Variants in MORN4 observed in about 807,000 individuals in gnomAD.
MORN4 encodes MORN repeat containing 4, also known as MORN repeat-containing protein 4.
Under a neutral mutation model 16.4 loss-of-function variants are expected in MORN4, and 8 were observed. The ratio of observed to expected loss-of-function variants is 0.49; its 90% CI spans 0.29 to 0.88. MORN4 has a LOEUF of 0.88. Among genes scored for constraint, MORN4 ranks in the 40% least tolerant of loss-of-function variants. MORN4 has a pLI of 0.09. For missense variants in MORN4, 159 were observed against 182.9 expected, an observed-to-expected ratio of 0.87 and a Z score of 0.75; for synonymous variants, 53 against 68.9, an observed-to-expected ratio of 0.77 and a Z score of 1.14.
intron 1 of MORN4, among the ~76,000 whole-genome samples, chr10:97,623,958 A>T (rs922416932): frequency 1.3e-5 from 2 of 151,872 alleles, no homozygotes; most frequent in Admixed American, 6.6e-5. Context: ...GGATGGTCTC[A>T]ATCTCCTGAC....
intron 1 of MORN4, among the ~76,000 whole-genome samples, chr10:97,622,552 G>A (rs943432855): frequency 1.3e-5 from 2 of 151,744 alleles, no homozygotes; most frequent in Non-Finnish European, 1.5e-5. Flanking sequence ...AAAATTAGCC[G>A]GGTGTGGTGG....
chr10:97,614,577 T>C lies in MORN4; in HGVS notation c.*1686A>G, dbSNP rs1037854971. On this transcript the variant is annotated 3_prime_UTR_variant, in exon 5 of 5. Transcript: ENST00000307450. The stretch of plus-strand genomic sequence containing the variant: ...ATAGGCAGTTCTGGTGATTTCTTTA[T>C]TCTTTATAAACACCTTTTTCTACAG... 2 of 152,618 alleles carry C rather than the reference T, an allele frequency of 1.3e-5. No individual in the cohort carries two copies. The highest frequency in any genetic ancestry group is 2.4e-5 in the African/African-American group (1 of 41,448). 9.5% of individuals were successfully genotyped at this position (152,618 alleles called of 1,614,324 possible).
intron 1 of MORN4, among the ~76,000 whole-genome samples, chr10:97,627,126 G>C (rs552708478): frequency 6.7e-6 from 1 of 150,304 alleles, no homozygotes; most frequent in East Asian, 2.0e-4. Context: ...TTCAGCAGAG[G>C]GACCTGAACA....
intron 1 of MORN4, among the ~76,000 whole-genome samples, chr10:97,621,618 G>A (rs987859079): frequency 2.0e-5 from 3 of 152,124 alleles, no homozygotes; most frequent in East Asian, 1.9e-4. Flanking sequence ...GGTGGCTCAC[G>A]CCTGTAATCC....
chr10:97,629,114 G>A (rs967866590), intron 1 of MORN4, among the ~76,000 whole-genome samples: 2 of 152,102 alleles, frequency 1.3e-5, no homozygotes, highest in Non-Finnish European at 2.9e-5. Flanking sequence ...TGGGCCGGGC[G>A]TGGTGGCTCA....
intron 1 of MORN4, among the ~76,000 whole-genome samples, chr10:97,625,447 A>T (rs2041338249): frequency 6.6e-6 from 1 of 152,240 alleles, no homozygotes; most frequent in Non-Finnish European, 1.5e-5. Flanking sequence ...ACAGAAAAGA[A>T]AAATAAAAGA....
intron 1 of MORN4, among the ~76,000 whole-genome samples, chr10:97,626,571 T>C (rs1225891556): frequency 6.7e-6 from 1 of 148,236 alleles, no homozygotes; most frequent in African/African-American, 2.5e-5. Context: ...TTCTCCTGCC[T>C]CAGCCTCTCG....
Position 97,633,137 on chromosome 10 carries a change from C to A in MORN4, c.-31+210G>T, listed in dbSNP as rs934262000. 2.6e-5 allele frequency among the ~76,000 whole-genome samples: 4 copies of A among 152,174 alleles called. No individual in the cohort carries two copies. The East Asian group carries it at 7.7e-4, about 29-fold the overall frequency. ...AACCCTCCACCCTCTGCTCGCTAACCCCAGTCCAGTCAGCTCTCCCGGGCC... is the reference window on the plus strand; with the variant it reads ...AACCCTCCACCCTCTGCTCGCTAACACCAGTCCAGTCAGCTCTCCCGGGCC... On this transcript the variant is annotated intron_variant, in intron 1 of 4. Transcript: ENST00000307450. This position sits in a 1 kb window ranked among gnomAD's most constrained non-coding sequence, Gnocchi z 4.5.
Position 97,633,261 on chromosome 10 carries a change from C to A in MORN4, c.-31+86G>T, listed in dbSNP as rs2041412818. The stretch of plus-strand genomic sequence containing the variant: ...CCGAGGTGGAGCCGCGCCCCCGAGC[C>A]GGGTCATCTCGTGCTCCGTTCCTCA... On this transcript the variant is annotated intron_variant, in intron 1 of 4. Coordinates refer to ENST00000307450, the MANE Select transcript of MORN4 (RefSeq NM_178832.4). The surrounding 1 kb of genome is among the most constrained non-coding windows in gnomAD (Gnocchi z 4.5). 3 of 1,239,328 alleles carry A rather than the reference C, an allele frequency of 2.4e-6. No individual in the cohort carries two copies. The highest frequency in any genetic ancestry group is 3.1e-6 in the Non-Finnish European group (3 of 959,110). 76.8% of individuals were successfully genotyped at this position (1,239,328 alleles called of 1,614,324 possible).
At chr10:97,619,802 G>T in intron 1 of MORN4, 119 bp from the exon 2 acceptor site, 1 of 719,048 alleles carries the variant, frequency 1.4e-6, no homozygotes, top group Non-Finnish European at 2.3e-6. Context: ...ACTGCCTTAG[G>T]TGCATTTAAC....
intron 1 of MORN4, among the ~76,000 whole-genome samples, chr10:97,622,204 T>C (rs2041303223): frequency 6.6e-6 from 1 of 152,100 alleles, no homozygotes; most frequent in African/African-American, 2.4e-5. Flanking sequence ...AGCCACTGTG[T>C]TTTCTGGTGG....
chr10:97,632,757 G>C (rs1006995358), intron 1 of MORN4, among the ~76,000 whole-genome samples: 1 of 151,550 alleles, frequency 6.6e-6, no homozygotes, highest in African/African-American at 2.4e-5. Flanking sequence ...ATTGGGACTA[G>C]GGAGTAATAC....
At chr10:97,625,128 T>C (rs1260389987) in intron 1 of MORN4, among the ~76,000 whole-genome samples, 1 of 152,188 alleles carries the variant, frequency 6.6e-6, no homozygotes, top group Admixed American at 6.5e-5. Flanking sequence ...ACTAAGGTCA[T>C]ACATGTGGAA....
Position 97,629,757 on chromosome 10 carries a change from G to T in MORN4, c.-31+3590C>A, listed in dbSNP as rs558482517. Among the ~76,000 whole-genome samples, 14 of 150,596 alleles carry T rather than the reference G, an allele frequency of 9.3e-5. No homozygotes were observed. The South Asian group carries it at 1.1e-3, about 11-fold the overall frequency. Reference sequence around the variant, plus strand: ...AGCATCATATGGGTGTTTTTTTTTTGTTTGTTTGTTTTGTTTTTTGAGACA... The same window carrying T: ...AGCATCATATGGGTGTTTTTTTTTTTTTTGTTTGTTTTGTTTTTTGAGACA... On this transcript the variant is annotated intron_variant, in intron 1 of 4. Transcript: ENST00000307450.
chr10:97,624,864 G>A (rs998583866), intron 1 of MORN4, among the ~76,000 whole-genome samples: 4 of 152,110 alleles, frequency 2.6e-5, no homozygotes, highest in African/African-American at 9.7e-5. Context: ...GGCTAATTTT[G>A]TATTTTCAGT....
upstream of MORN4, among the ~76,000 whole-genome samples, chr10:97,633,792 T>A (rs1216430630): frequency 2.6e-5 from 4 of 152,166 alleles, no homozygotes; most frequent in African/African-American, 9.7e-5. This position sits in a 1 kb window ranked among gnomAD's most constrained non-coding sequence, Gnocchi z 4.5. Context: ...CTTGCTCCAG[T>A]CCCCACTGCT....
At chr10:97,626,206 G>C (rs1222636199) in intron 1 of MORN4, among the ~76,000 whole-genome samples, 1 of 151,362 alleles carries the variant, frequency 6.6e-6, no homozygotes, top group Non-Finnish European at 1.5e-5. Flanking sequence ...GTGAAGCCCT[G>C]TCTTTACTAA....
At chr10:97,626,873 C>T (rs900410918) in intron 1 of MORN4, among the ~76,000 whole-genome samples, 1 of 151,492 alleles carries the variant, frequency 6.6e-6, no homozygotes, top group African/African-American at 2.4e-5. Context: ...TTCTCTTGCC[C>T]CAGCCTCCCA....
chr10:97,632,029 T>C (rs2041400383), intron 1 of MORN4, among the ~76,000 whole-genome samples: 1 of 152,086 alleles, frequency 6.6e-6, no homozygotes, highest in African/African-American at 2.4e-5. Context: ...GCAGCCACCC[T>C]AACTACCCAC....
Sources: allele counts gnomAD v4.1 joint callset (sites outside exome capture counted in the v4.1 genomes callset), GRCh38; gene constraint gnomAD v4.1.1; non-coding constraint Gnocchi (gnomAD v3.1); transcripts MANE v1.5; gene names NCBI Gene and HGNC (gene_info 2026-07-23, HGNC 2026-07-21).